The following CSNK1G2 variants were observed in gnomAD, a reference collection of about 807,000 sequenced individuals.
CSNK1G2 encodes the protein casein kinase I isoform gamma-2.
Under a neutral mutation model 48.0 loss-of-function variants are expected in CSNK1G2, and 11 were observed. The ratio of observed to expected loss-of-function variants is 0.23; its 90% CI spans 0.14 to 0.38. CSNK1G2 has a LOEUF of 0.38. Ranked by LOEUF, CSNK1G2 falls within the 10% of genes least tolerant of loss-of-function variation. The pLI is 1.00. For synonymous variants in CSNK1G2, 337 were observed against 254.1 expected (o/e 1.33, Z -3.10); for missense variants, 446 against 595.5 (o/e 0.75, Z 2.61).
intron 1 of CSNK1G2, among the ~76,000 whole-genome samples, chr19:1,968,457 CGGGGCTG>C (rs2015453838): frequency 6.6e-6 from 1 of 152,212 alleles, no homozygotes; most frequent in Non-Finnish European, 1.5e-5. Context: ...CCATGCCAGC[CGGGGCTG>C]GCTGGCCCCC....
At chr19:1,943,989 A>C (rs1206654532) in intron 1 of CSNK1G2, among the ~76,000 whole-genome samples, 1 of 152,058 alleles carries the variant, frequency 6.6e-6, no homozygotes, top group Admixed American at 6.5e-5. Flanking sequence ...GCAGGCCAGC[A>C]TGTGGGGCTG....
chr19:1,975,456 G>A (rs1213323161), intron 2 of CSNK1G2: 1 of 985,372 alleles, frequency 1.0e-6, no homozygotes, highest in Non-Finnish European at 1.2e-6. Context: ...AGTCAGAACT[G>A]GAGACGGGAG....
intron 1 of CSNK1G2, among the ~76,000 whole-genome samples, chr19:1,969,162 C>T (rs1361439894): frequency 6.6e-6 from 1 of 152,186 alleles, no homozygotes; most frequent in African/African-American, 2.4e-5. Context: ...GCTTCAGGAT[C>T]CTCAGGGCTT....
intron 2 of CSNK1G2, chr19:1,975,992 G>A (rs184132920): frequency 3.5e-5 from 39 of 1,104,638 alleles, no homozygotes; most frequent in African/African-American, 2.4e-4. Context: ...CCGTGATCGC[G>A]CCAGTGCACT....
At chr19:1,955,350 G>A (rs2014947488) in intron 1 of CSNK1G2, among the ~76,000 whole-genome samples, 1 of 152,178 alleles carries the variant, frequency 6.6e-6, no homozygotes, top group Admixed American at 6.5e-5. Flanking sequence ...GGTGACTCTC[G>A]GGGCCACTCC....
chr19:1,951,705 G>A (rs1295694843), intron 1 of CSNK1G2, among the ~76,000 whole-genome samples: 1 of 144,122 alleles, frequency 6.9e-6, no homozygotes, highest in Non-Finnish European at 1.5e-5. Flanking sequence ...TTTGGAGACA[G>A]AGTCTCACTG....
intron 2 of CSNK1G2, among the ~76,000 whole-genome samples, chr19:1,971,015 G>A (rs993546210): frequency 6.6e-6 from 1 of 152,226 alleles, no homozygotes; most frequent in African/African-American, 2.4e-5. Flanking sequence ...CAGGAGCATG[G>A]GCTGTGGCGG....
In CSNK1G2 at chr19:1,981,208, G is replaced by C. The variant is rs1045656498; in HGVS notation, c.*1005G>C. Reference sequence around the variant, plus strand: ...GTGGAGCAGCTTGGGGCCGTGCCCAGGGCGGTGGCTGTGAGTCTAGTTTTT... The same window carrying C: ...GTGGAGCAGCTTGGGGCCGTGCCCACGGCGGTGGCTGTGAGTCTAGTTTTT... On this transcript the variant is annotated 3_prime_UTR_variant, in exon 12 of 12. Transcript: ENST00000255641. The C allele has an allele frequency of 6.6e-6, 1 of 152,298 alleles. No individual in the cohort carries two copies. The highest frequency in any genetic ancestry group is 1.5e-5 in the Non-Finnish European group (1 of 68,090). 9.4% of individuals were successfully genotyped at this position (152,298 alleles called of 1,614,324 possible). A position where few individuals can be genotyped will look rare whatever the true frequency, so the allele number is the denominator to read the frequency against.
intron 2 of CSNK1G2, chr19:1,976,205 A>C: frequency 1.2e-6 from 1 of 858,574 alleles, no homozygotes; most frequent in Non-Finnish European, 1.7e-6. Context: ...AACGTGTTAC[A>C]CTGGGGAGAA....
At chr19:1,949,388 G>C (rs1158539883) in intron 1 of CSNK1G2, among the ~76,000 whole-genome samples, 1 of 152,184 alleles carries the variant, frequency 6.6e-6, no homozygotes, top group Non-Finnish European at 1.5e-5. Flanking sequence ...CCTAGGGGTG[G>C]AATCACACGG....
chr19:1,971,185 C>T (rs141061574), intron 2 of CSNK1G2, among the ~76,000 whole-genome samples: 84 of 152,348 alleles, frequency 5.5e-4, no homozygotes, highest in African/African-American at 1.8e-3. Context: ...AGCAGCTTCT[C>T]CCAGGCGAGG....
rs949171867 is a variant in CSNK1G2 at position 1,980,184 on chromosome 19, C to A, written c.1229C>A (p.Ser410Ter). The A allele has an allele frequency of 1.9e-6, 3 of 1,612,936 alleles. No homozygotes were observed. The highest frequency in any genetic ancestry group is 2.5e-6 in the Non-Finnish European group (3 of 1,179,862). Residue 410 changes from serine (S) to a stop codon, truncating the protein, a stop_gained, in exon 12 of 12, where the codon TCG becomes TAG. Transcript: ENST00000255641. LOFTEE classifies it high-confidence loss of function. ...CCFFKRRKRK[S>*]LQRHK ...TTCTTCAAGAGGAGAAAGAGAAAAT[C>A]GCTGCAGCGACACAAGTGACCCTGG...
intron 2 of CSNK1G2, chr19:1,975,286 G>A: frequency 2.0e-6 from 2 of 985,494 alleles, no homozygotes; most frequent in African/African-American, 1.7e-5. Context: ...AGACAGCAGA[G>A]GGACGGTGTA....
At chr19:1,974,880 CTG>C (rs2015699958) in intron 2 of CSNK1G2, 1 of 161,662 alleles carries the variant, frequency 6.2e-6, no homozygotes, top group South Asian at 2.0e-4. Flanking sequence ...CTGAGCCTCT[CTG>C]GAGCTGTTCT....
intron 1 of CSNK1G2, among the ~76,000 whole-genome samples, chr19:1,945,628 T>C (rs2014526922): frequency 1.3e-5 from 2 of 152,140 alleles, no homozygotes; most frequent in South Asian, 4.1e-4. Flanking sequence ...TCAAGACTAG[T>C]CTGGCCAACA....
At chr19:1,946,769 C>T (rs1312531533) in intron 1 of CSNK1G2, among the ~76,000 whole-genome samples, 2 of 151,490 alleles carry the variant, frequency 1.3e-5, no homozygotes, top group African/African-American at 2.4e-5. Context: ...CATGCCATCA[C>T]GCCTGGCTAA....
At chr19:1,942,204 G>T (rs555439863) in intron 1 of CSNK1G2, among the ~76,000 whole-genome samples, 1 of 152,326 alleles carries the variant, frequency 6.6e-6, no homozygotes, top group East Asian at 1.9e-4. Context: ...GGGAGGGAGG[G>T]TGAGATGTCT....
chr19:1,979,146 C>A lies in CSNK1G2; in HGVS notation c.683-17C>A, dbSNP rs547896883. The A allele has an allele frequency of 6.5e-7, 1 of 1,534,550 alleles. No homozygotes were observed. Among genetic ancestry groups the A allele is most frequent in the East Asian group, 2.4e-5 (1 of 42,348 alleles). ...GGGCGCCCGGACCCCGCTGAGGCTG[C>A]GCCCCTGTCCCCGCAGAGCAGAGCC... On this transcript the variant is annotated splice_polypyrimidine_tract_variant and intron_variant, in intron 6 of 11. Coordinates refer to ENST00000255641, the MANE Select transcript of CSNK1G2 (RefSeq NM_001319.7).
intron 1 of CSNK1G2, chr19:1,959,140 GTC>G (rs1342185220): frequency 6.6e-6 from 1 of 152,128 alleles, no homozygotes; most frequent in Admixed American, 6.6e-5. Flanking sequence ...ATGAGGCTGT[GTC>G]TCTGTCTGTG....
Sources: allele counts gnomAD v4.1 joint callset (sites outside exome capture counted in the v4.1 genomes callset), GRCh38; gene constraint gnomAD v4.1.1; transcripts MANE v1.5; gene names NCBI Gene and HGNC (gene_info 2026-07-23, HGNC 2026-07-21).